Variants in KLHL8 observed in about 807,000 individuals in gnomAD.
KLHL8 encodes the protein kelch-like protein 8.
KLHL8 carries 38 observed loss-of-function variants against 63.5 expected under a neutral mutation model. The observed-to-expected ratio is 0.60, with a 90% confidence interval of 0.46 to 0.78. KLHL8 has a LOEUF of 0.78. Ranked by LOEUF, KLHL8 falls within the 30% of genes least tolerant of loss-of-function variation. KLHL8 has a pLI of 0.00. For synonymous variants in KLHL8, 224 were observed against 254.3 expected (o/e 0.88, Z 1.13); for missense variants, 566 against 752.4 (o/e 0.75, Z 2.90).
chr4:87,167,593 T>C (rs1405337698), intron 8 of KLHL8: 1 of 509,878 alleles, frequency 2.0e-6, no homozygotes, highest in Non-Finnish European at 4.0e-6. Context: ...GGCAGTGCCA[T>C]CCACAGGAAG....
In KLHL8 at chr4:87,185,763, A is replaced by G. The variant is rs1413138268; in HGVS notation, c.253T>C (p.Leu85=). ...CTAAAGTAGGGAATAACACAAGCCAATACCAGCTTGTGACAAGAGATTAGC... is the reference window on the plus strand; with the variant it reads ...CTAAAGTAGGGAATAACACAAGCCAGTACCAGCTTGTGACAAGAGATTAGC... ...SKLISCHKLV[L]ACVIPYFRAM... is the part of the protein sequence containing the mutation. Residue 85 remains leucine, a synonymous_variant, in exon 3 of 10, where the codon TTG becomes CTG. Coordinates refer to ENST00000273963, the MANE Select transcript of KLHL8 (RefSeq NM_020803.5). 1 of 1,612,044 alleles carries G rather than the reference A, an allele frequency of 6.2e-7. No homozygotes were observed.
At chr4:87,174,297 A>G (rs1730736234) in intron 6 of KLHL8, among the ~76,000 whole-genome samples, 2 of 146,482 alleles carry the variant, frequency 1.4e-5, no homozygotes, top group Admixed American at 6.8e-5. Flanking sequence ...TTTTTTTTTG[A>G]GACGGAATTT....
In KLHL8 at chr4:87,163,991, A is replaced by G; in HGVS notation, c.1626T>C (p.Thr542=). The change falls in exon 9 of 10, where the codon ACT becomes ACC. Residue 542 remains threonine, a synonymous_variant. Coordinates refer to ENST00000273963, the MANE Select transcript of KLHL8 (RefSeq NM_020803.5). The part of the protein sequence containing the change: ...NKWDYVAALT[T]PRGGVGIATV... ...TTGCGATTCCCACTCCACCTCTGGG[A>G]GTAGTAAGTGCTGCCACATAATCCC... 6.2e-7 allele frequency: 1 copy of G among 1,614,176 alleles called. No individual in the cohort carries two copies. Among genetic ancestry groups the G allele is most frequent in the Non-Finnish European group, 8.5e-7 (1 of 1,180,008 alleles).
intron 1 of KLHL8, among the ~76,000 whole-genome samples, chr4:87,205,238 C>A (rs1418327755): frequency 6.6e-6 from 1 of 152,160 alleles, no homozygotes; most frequent in Admixed American, 6.5e-5. Context: ...AAGATCCAGT[C>A]TCTACAACAG....
At chr4:87,217,844 C>T (rs966157446) in intron 1 of KLHL8, among the ~76,000 whole-genome samples, 1 of 151,806 alleles carries the variant, frequency 6.6e-6, no homozygotes, top group African/African-American at 2.4e-5. Context: ...TATAAGTAAC[C>T]AAAAATTTAA....
intron 1 of KLHL8, chr4:87,207,929 T>C: frequency 8.7e-7 from 1 of 1,146,248 alleles, no homozygotes; most frequent in South Asian, 1.2e-5. Context: ...CACCAGGCTG[T>C]CTCCTCCAAC....
At chr4:87,235,437 C>A (rs1290525114) in intron 1 of KLHL8, among the ~76,000 whole-genome samples, 1 of 152,124 alleles carries the variant, frequency 6.6e-6, no homozygotes, top group Non-Finnish European at 1.5e-5. Flanking sequence ...TAGGCTATAC[C>A]ATCTAGGCTT....
chr4:87,221,719 AC>A (rs1192622111), upstream of KLHL8, among the ~76,000 whole-genome samples: 6 of 152,180 alleles, frequency 3.9e-5, no homozygotes, highest in East Asian at 1.9e-4. Context: ...TTCTATAAAA[AC>A]CCCAAAGCAA....
chr4:87,174,673 GAC>G (rs981522782), intron 6 of KLHL8, among the ~76,000 whole-genome samples: 2 of 151,988 alleles, frequency 1.3e-5, no homozygotes, highest in East Asian at 1.9e-4. Context: ...TTTTCACTCT[GAC>G]ACAGAGACAG....
chr4:87,190,120 A>G (rs539534609), intron 2 of KLHL8, among the ~76,000 whole-genome samples: 5 of 152,054 alleles, frequency 3.3e-5, no homozygotes, highest in East Asian at 1.9e-4. Context: ...AAAATTTTCC[A>G]TATCAGTTGA....
At chr4:87,196,068 G>A (rs180689259) in intron 1 of KLHL8, among the ~76,000 whole-genome samples, 62 of 151,870 alleles carry the variant, frequency 4.1e-4, no homozygotes, top group African/African-American at 1.4e-3. Flanking sequence ...ACCCACCTAG[G>A]CCTCTCAAAG....
At chr4:87,184,089 G>C (rs922053974) in intron 3 of KLHL8, among the ~76,000 whole-genome samples, 1 of 152,128 alleles carries the variant, frequency 6.6e-6, no homozygotes, top group African/African-American at 2.4e-5. Flanking sequence ...GCAAGACTTC[G>C]TTGCAGCAGT....
chr4:87,180,440 G>A (rs1205285778), intron 4 of KLHL8, among the ~76,000 whole-genome samples: 2 of 152,138 alleles, frequency 1.3e-5, no homozygotes, highest in Non-Finnish European at 2.9e-5. Context: ...AACCTTTTCT[G>A]ACTCTTCCAA....
intron 4 of KLHL8, 71 bp from the exon 5 acceptor site, chr4:87,178,691 T>A: frequency 7.0e-7 from 1 of 1,432,868 alleles, no homozygotes; most frequent in African/African-American, 1.5e-5. Flanking sequence ...AGCCAAAACT[T>A]TGGATAAAAG....
At chr4:87,178,719 G>T (rs985287159) in intron 4 of KLHL8, 99 bp from the exon 5 acceptor site, 2 of 1,187,830 alleles carry the variant, frequency 1.7e-6, no homozygotes, top group Non-Finnish European at 2.3e-6. Flanking sequence ...ACAAAAAAAA[G>T]TTATTTGGAT....
intron 8 of KLHL8, among the ~76,000 whole-genome samples, chr4:87,168,719 T>TAC (rs1730507460): frequency 7.0e-6 from 1 of 142,008 alleles, no homozygotes. Context: ...TGTATATATA[T>TAC]ACGTATATAT....
chr4:87,207,573 C>A, intron 1 of KLHL8: 1 of 1,169,584 alleles, frequency 8.6e-7, no homozygotes, highest in Non-Finnish European at 1.3e-6. Flanking sequence ...TGGCCAATGT[C>A]ATCCATGACA....
intron 8 of KLHL8, among the ~76,000 whole-genome samples, chr4:87,164,963 A>G (rs572320026): frequency 3.9e-5 from 6 of 152,086 alleles, no homozygotes; most frequent in East Asian, 1.9e-4. Flanking sequence ...CCTGGCTAAC[A>G]CGGTGAAACC....
In KLHL8 at chr4:87,190,942, GATC is replaced by G. The variant is rs1731460690; in HGVS notation, c.216+4379_216+4381del. On this transcript the variant is annotated intron_variant, in intron 2 of 9. Transcript: ENST00000273963. ...AGGTACAGATACATGCTCAATTTGT[GATC>G]ATGAGTTATAACAAATCACAGTTTA... is the stretch of plus-strand genomic sequence containing the variant. Among the ~76,000 whole-genome samples the G allele has an allele frequency of 2.0e-5, 3 of 151,978 alleles. No homozygotes were observed. The South Asian group carries it at 6.2e-4, about 32-fold the overall frequency.
Sources: gnomAD v4.1 joint callset for allele counts (sites outside exome capture counted in the v4.1 genomes callset) on GRCh38, gnomAD v4.1.1 for gene constraint, MANE v1.5 for transcripts, NCBI Gene and HGNC (gene_info 2026-07-23, HGNC 2026-07-21) for gene names.